The following GPR139 variants were observed in gnomAD, a reference collection of about 807,000 sequenced individuals.
GPR139 encodes G protein-coupled receptor 139.
GPR139 carries 12 observed loss-of-function variants against 25.8 expected under a neutral mutation model. That is an observed-to-expected ratio of 0.47 (90% confidence interval 0.30 to 0.75). GPR139 has a LOEUF of 0.75. Among genes scored for constraint, GPR139 ranks in the 30% least tolerant of loss-of-function variants. The probability of loss-of-function intolerance (pLI) is 0.07; values close to 1 mark genes in which losing one functional copy is unlikely to be tolerated. For missense variants in GPR139, 380 were observed against 450.2 expected (o/e 0.84, Z 1.41); for synonymous variants, 184 against 179.9 (o/e 1.02, Z -0.18).
At chr16:20,051,618 C>T (rs572020746) in intron 1 of GPR139, among the ~76,000 whole-genome samples, 2 of 152,262 alleles carry the variant, frequency 1.3e-5, no homozygotes, top group Admixed American at 1.3e-4. Context: ...AGCACACTGC[C>T]AAATGACATG....
At chr16:20,064,861 G>T (rs16969500) in intron 1 of GPR139, among the ~76,000 whole-genome samples, 1 of 152,054 alleles carries the variant, frequency 6.6e-6, no homozygotes, top group Non-Finnish European at 1.5e-5. Context: ...GACACTTCCT[G>T]TTCCAAAACA....
chr16:20,037,562 T>C (rs1277710879), intron 1 of GPR139, among the ~76,000 whole-genome samples: 6 of 152,118 alleles, frequency 3.9e-5, no homozygotes, highest in South Asian at 2.1e-4. Flanking sequence ...AACAGCCTTG[T>C]GGTGGGAATC....
intron 1 of GPR139, among the ~76,000 whole-genome samples, chr16:20,041,030 A>C (rs2057327995): frequency 6.7e-6 from 1 of 150,196 alleles, no homozygotes; most frequent in Admixed American, 6.7e-5. Flanking sequence ...CCTTTGCTTG[A>C]ACCAGGGAGG....
intron 1 of GPR139, among the ~76,000 whole-genome samples, chr16:20,052,177 T>C (rs2057374658): frequency 6.6e-6 from 1 of 152,170 alleles, no homozygotes; most frequent in Admixed American, 6.5e-5. Flanking sequence ...ACTTCCCCCA[T>C]CCACTCTGTC....
At chr16:20,040,884 G>A (rs2057327353) in intron 1 of GPR139, among the ~76,000 whole-genome samples, 1 of 152,076 alleles carries the variant, frequency 6.6e-6, no homozygotes, top group Admixed American at 6.6e-5. Flanking sequence ...GAATAGGAAA[G>A]AGAATTGCTA....
Position 20,031,685 on chromosome 16 carries a change from C to A in GPR139, c.*50G>T. 6.9e-7 allele frequency: 1 copy of A among 1,451,800 alleles called. No individual in the cohort carries two copies. The highest frequency in any genetic ancestry group is 9.6e-7 in the Non-Finnish European group (1 of 1,041,410). 89.9% of individuals were successfully genotyped at this position (1,451,800 alleles called of 1,614,324 possible). On this transcript the variant is annotated 3_prime_UTR_variant, in exon 2 of 2. Transcript: ENST00000570682. Reference sequence around the variant, plus strand: ...GCTCAGCCATAGGATGGGACACCTTCCCATCTGGAAATGGATTAGACAGAG... The same window carrying A: ...GCTCAGCCATAGGATGGGACACCTTACCATCTGGAAATGGATTAGACAGAG...
rs941947890 is a variant in GPR139, at chr16:20,030,954, G to T, written c.*781C>A. Among the ~76,000 whole-genome samples the T allele has an allele frequency of 4.6e-5, 7 of 152,154 alleles. No homozygotes were observed. Among genetic ancestry groups the T allele is most frequent in the Admixed American group, 4.6e-4 (7 of 15,278 alleles). ...GATGGGTTGAAACAATGGCAAGTGT[G>T]GGCTTATTTTTTTGTTTTTCTGGGC... On this transcript the variant is annotated 3_prime_UTR_variant, in exon 2 of 2. Coordinates refer to ENST00000570682, the MANE Select transcript of GPR139 (RefSeq NM_001002911.4).
At chr16:20,059,377 C>T (rs1052919619) in intron 1 of GPR139, among the ~76,000 whole-genome samples, 1 of 152,190 alleles carries the variant, frequency 6.6e-6, no homozygotes, top group Admixed American at 6.5e-5. Context: ...CCTTCTCCCA[C>T]TTTTTCATTG....
intron 1 of GPR139, among the ~76,000 whole-genome samples, chr16:20,035,172 A>G (rs2057305561): frequency 1.3e-5 from 2 of 151,218 alleles, no homozygotes; most frequent in Non-Finnish European, 3.0e-5. Context: ...TAAAGTCTAT[A>G]CTGTTCTTGT....
intron 1 of GPR139, among the ~76,000 whole-genome samples, chr16:20,049,264 T>G (rs1359082632): frequency 6.6e-6 from 1 of 152,130 alleles, no homozygotes; most frequent in Non-Finnish European, 1.5e-5. Flanking sequence ...TCCCCAAGGC[T>G]CTCTCTGTGT....
chr16:20,068,236 CAAAAAAAA>C (rs10534277), intron 1 of GPR139, among the ~76,000 whole-genome samples: 4 of 109,044 alleles, frequency 3.7e-5, no homozygotes, highest in Non-Finnish European at 5.6e-5. Flanking sequence ...CTATTTAATG[CAAAAAAAA>C]AAAAAAAAAA....
At chr16:20,060,057 G>GCT (rs2057405932) in intron 1 of GPR139, among the ~76,000 whole-genome samples, 2 of 152,054 alleles carry the variant, frequency 1.3e-5, no homozygotes, top group Admixed American at 1.3e-4. Context: ...ACCCTCTTGT[G>GCT]CTCTCTCTCC....
chr16:20,038,836 C>T (rs2057320487), intron 1 of GPR139, among the ~76,000 whole-genome samples: 1 of 152,180 alleles, frequency 6.6e-6, no homozygotes, highest in Admixed American at 6.5e-5. Flanking sequence ...TCTTTCATTT[C>T]CACAGTGGCA....
At chr16:20,072,069 G>C (rs7188638) in intron 1 of GPR139, among the ~76,000 whole-genome samples, 40,330 of 152,054 alleles carry the variant, frequency 0.27, 5,641 homozygotes, top group Non-Finnish European at 0.31. Flanking sequence ...AGGGCTGAAG[G>C]GGGGAGGTGG....
At chr16:20,059,994 T>C (rs1463699084) in intron 1 of GPR139, among the ~76,000 whole-genome samples, 3 of 152,122 alleles carry the variant, frequency 2.0e-5, no homozygotes, top group African/African-American at 7.2e-5. Context: ...GTCAGGAGTG[T>C]GGGTCCCTGA....
At position 20,032,216 on chromosome 16, in the gene GPR139, A is replaced by T. The variant is rs756905722; in HGVS notation, c.581T>A (p.Val194Glu). The change falls in exon 2 of 2, where the codon GTG becomes GAG. Residue 194 changes from valine to glutamate, a missense_variant. Physicochemically the swap from Val to Glu is moderately radical, Grantham distance 121. Coordinates refer to ENST00000570682, the MANE Select transcript of GPR139 (RefSeq NM_001002911.4). ...CAAGATGAAGAAGATGGAGCAGGGC[A>T]CCAGGTAGACGGTGAAGCAGTGGAT... ...IWIHCFTVYL[V>E]PCSIFFILNS... 9 of 1,614,088 alleles carry T rather than the reference A, an allele frequency of 5.6e-6. No individual in the cohort carries two copies. The South Asian group carries it at 9.9e-5, about 18-fold the overall frequency.
intron 1 of GPR139, among the ~76,000 whole-genome samples, chr16:20,072,611 C>T (rs1005725522): frequency 1.4e-4 from 22 of 152,164 alleles, no homozygotes; most frequent in African/African-American, 5.1e-4. Context: ...CTCTCTCTCT[C>T]GCTCTCTCTC....
chr16:20,048,895 C>T (rs1175955715), intron 1 of GPR139, among the ~76,000 whole-genome samples: 2 of 152,174 alleles, frequency 1.3e-5, no homozygotes, highest in Non-Finnish European at 2.9e-5. Context: ...ATTGCCTGAA[C>T]GTGCAACACA....
chr16:20,069,523 G>T (rs533865514), intron 1 of GPR139, among the ~76,000 whole-genome samples: 1 of 152,256 alleles, frequency 6.6e-6, no homozygotes, highest in East Asian at 1.9e-4. Context: ...TATCTGCCAG[G>T]CTACAGACTC....
Sources: gnomAD v4.1 joint callset for allele counts (sites outside exome capture counted in the v4.1 genomes callset) on GRCh38, gnomAD v4.1.1 for gene constraint, MANE v1.5 for transcripts, NCBI Gene and HGNC (gene_info 2026-07-23, HGNC 2026-07-21) for gene names.